Variants in SCRG1 observed in about 807,000 individuals in gnomAD.
SCRG1 encodes the protein scrapie-responsive protein 1.
In SCRG1, 3 loss-of-function variants were observed where a neutral mutation model predicts 7.7. The ratio of observed to expected loss-of-function variants is 0.39; its 90% CI spans 0.18 to 1.01. SCRG1 has a LOEUF of 1.01. Among genes scored for constraint, SCRG1 ranks in the 50% least tolerant of loss-of-function variants. The probability of loss-of-function intolerance (pLI) is 0.36; values close to 1 mark genes in which losing one functional copy is unlikely to be tolerated. For synonymous variants in SCRG1, 46 were observed against 41.2 expected (o/e 1.12, Z -0.44); for missense variants, 110 against 117.2 (o/e 0.94, Z 0.28).
chr4:173,408,421 A>G (rs1310904541), upstream of SCRG1, among the ~76,000 whole-genome samples: 6 of 152,192 alleles, frequency 3.9e-5, no homozygotes, highest in East Asian at 1.9e-4. Flanking sequence ...AATTTTTACT[A>G]TGCTTCCACA....
the SCRG1 span, among the ~76,000 whole-genome samples, chr4:173,413,009 C>A: frequency 6.6e-6 from 1 of 152,038 alleles, no homozygotes; most frequent in Non-Finnish European, 1.5e-5. Flanking sequence ...TTAAGAAATT[C>A]ATATACAGCT....
chr4:173,439,882 T>C, the SCRG1 span, among the ~76,000 whole-genome samples: 2 of 152,214 alleles, frequency 1.3e-5, no homozygotes, highest in African/African-American at 4.8e-5. Flanking sequence ...CAAGGACACG[T>C]CACACTGTCT....
chr4:173,392,936 C>T (rs1016269678), intron 1 of SCRG1, among the ~76,000 whole-genome samples: 4 of 151,990 alleles, frequency 2.6e-5, no homozygotes, highest in Non-Finnish European at 4.4e-5. Context: ...ACTAAAAATA[C>T]AAAAAGTAGC....
chr4:173,514,926 A>C, the SCRG1 span, among the ~76,000 whole-genome samples: 1 of 152,194 alleles, frequency 6.6e-6, no homozygotes, highest in Non-Finnish European at 1.5e-5. Context: ...TATCTATTCT[A>C]TCCTTTTGCG....
chr4:173,484,287 C>T, the SCRG1 span, among the ~76,000 whole-genome samples: 5 of 50,362 alleles, frequency 9.9e-5, no homozygotes, highest in Non-Finnish European at 1.4e-4. Flanking sequence ...CATATATTTT[C>T]TATGTAATGT....
the SCRG1 span, among the ~76,000 whole-genome samples, chr4:173,426,986 T>C: frequency 3.3e-5 from 5 of 152,254 alleles, no homozygotes; most frequent in African/African-American, 1.2e-4. Flanking sequence ...ATTATATGCA[T>C]GTTTTAGCAT....
the SCRG1 span, among the ~76,000 whole-genome samples, chr4:173,517,242 C>G: frequency 5.3e-5 from 8 of 152,238 alleles, no homozygotes; most frequent in Middle Eastern, 3.4e-3. Context: ...GAAGCAAGGC[C>G]CTGCGGTCAT....
At chr4:173,476,473 C>T in the SCRG1 span, among the ~76,000 whole-genome samples, 2 of 151,294 alleles carry the variant, frequency 1.3e-5, no homozygotes, top group Non-Finnish European at 2.9e-5. Flanking sequence ...AGTCAGTGTG[C>T]ACTGAGTAGA....
chr4:173,419,809 T>G, the SCRG1 span: 3,053 of 1,462,080 alleles, frequency 2.1e-3, 58 homozygotes, highest in African/African-American at 0.036. Flanking sequence ...TCACCTCCAC[T>G]TGGCCTTCAT....
the SCRG1 span, chr4:173,419,499 C>G: frequency 1.3e-6 from 1 of 775,738 alleles, no homozygotes; most frequent in Non-Finnish European, 2.2e-6. Flanking sequence ...TTTTCATCTT[C>G]TTCTATTAAG....
chr4:173,452,970 C>T, the SCRG1 span, among the ~76,000 whole-genome samples: 1 of 152,152 alleles, frequency 6.6e-6, no homozygotes, highest in Non-Finnish European at 1.5e-5. Flanking sequence ...GAGATTTTTA[C>T]CCTAGAGTGT....
chr4:173,515,580 G>A, the SCRG1 span, among the ~76,000 whole-genome samples: 413 of 127,822 alleles, frequency 3.2e-3, 11 homozygotes, highest in East Asian at 0.074. This position sits in a 1 kb window ranked among gnomAD's most constrained non-coding sequence, Gnocchi z 4.6. Context: ...AGGTGTGTGT[G>A]TGTGTCTGTG....
chr4:173,436,550 A>G, the SCRG1 span, among the ~76,000 whole-genome samples: 12,382 of 152,136 alleles, frequency 0.081, 594 homozygotes, highest in Non-Finnish European at 0.098. Context: ...TAAATGTTCT[A>G]TTTTACTAAG....
At chr4:173,485,082 A>AGT in the SCRG1 span, among the ~76,000 whole-genome samples, 1 of 8,790 alleles carries the variant, frequency 1.1e-4, no homozygotes, top group Admixed American at 3.1e-3. Context: ...TATATTATAT[A>AGT]ATATATTATA....
At chr4:173,502,722 G>A in the SCRG1 span, among the ~76,000 whole-genome samples, 1 of 152,062 alleles carries the variant, frequency 6.6e-6, no homozygotes, top group Non-Finnish European at 1.5e-5. This position sits in a 1 kb window ranked among gnomAD's most constrained non-coding sequence, Gnocchi z 4.6. Context: ...CTCAAAATGG[G>A]GAATCCAGGC....
At chr4:173,465,420 A>T in the SCRG1 span, among the ~76,000 whole-genome samples, 1 of 152,202 alleles carries the variant, frequency 6.6e-6, no homozygotes, top group Non-Finnish European at 1.5e-5. Flanking sequence ...ATTGTAGTAT[A>T]CAATGAATAT....
the SCRG1 span, among the ~76,000 whole-genome samples, chr4:173,429,017 G>T: frequency 2.0e-5 from 3 of 152,092 alleles, no homozygotes; most frequent in Non-Finnish European, 4.4e-5. Flanking sequence ...TGACTAAATT[G>T]ATCAAATTGA....
At chr4:173,465,133 G>A in the SCRG1 span, among the ~76,000 whole-genome samples, 12 of 152,278 alleles carry the variant, frequency 7.9e-5, no homozygotes, top group African/African-American at 9.6e-5. Context: ...CAAACTTTCT[G>A]TTTGGTAAGG....
upstream of SCRG1, among the ~76,000 whole-genome samples, chr4:173,410,971 C>G (rs1740023005): frequency 6.6e-6 from 1 of 152,146 alleles, no homozygotes. Context: ...GGGTTCTGTG[C>G]TGTTAATCAT....
Sources: allele counts gnomAD v4.1 joint callset (sites outside exome capture counted in the v4.1 genomes callset), GRCh38; gene constraint gnomAD v4.1.1; non-coding constraint Gnocchi (gnomAD v3.1); transcripts MANE v1.5; gene names NCBI Gene and HGNC (gene_info 2026-07-23, HGNC 2026-07-21).